Variants in LACTB observed in about 807,000 individuals in gnomAD.
The protein encoded by LACTB is serine beta-lactamase-like protein LACTB, mitochondrial.
In LACTB, 35 loss-of-function variants were observed where a neutral mutation model predicts 50.2. The observed-to-expected ratio is 0.70, with a 90% CI of 0.53 to 0.92. The LOEUF is 0.92. Ranked by LOEUF, LACTB falls within the 40% of genes least tolerant of loss-of-function variation. LACTB has a pLI of 0.00. For missense variants in LACTB, 664 were observed against 691.8 expected (o/e 0.96, Z 0.45); for synonymous variants, 252 against 268.2 (o/e 0.94, Z 0.59).
Position 63,129,570 on chromosome 15 carries a change from T to C in LACTB, c.1038T>C (p.Tyr346=), listed in dbSNP as rs766757628. 3 of 1,613,598 alleles carry C rather than the reference T, an allele frequency of 1.9e-6. 1 individual carries two copies. In the South Asian group the frequency reaches 3.3e-5, roughly 18 times the overall value. Residue 346 remains tyrosine (Y), a synonymous_variant, in exon 5 of 6, where the codon TAT becomes TAC. Coordinates refer to ENST00000261893, the MANE Select transcript of LACTB (RefSeq NM_032857.5). ...CTTCAGGATGTAAATATTTGGACTA[T>C]ATGCAGAAAATATTCCATGACTTGG... ...ERASGCKYLD[Y]MQKIFHDLDM...
rs1454926520 is a variant in LACTB at position 63,129,613 on chromosome 15, C to G, written c.1081C>G (p.Gln361Glu). Residue 361 changes from glutamine to glutamate, a missense_variant, in exon 5 of 6, where the codon CAG becomes GAG. Gln to Glu is a conservative substitution (Grantham distance 29, BLOSUM62 2). Transcript: ENST00000261893. ...TGACTTGGATATGCTGACGACTGTG[C>G]AGGAAGAAAACGAGCCAGTGATTTA... Reference protein sequence around the residue: ...FHDLDMLTTVQEENEPVIYNR... With the variant: ...FHDLDMLTTVEEENEPVIYNR... 1.2e-6 allele frequency: 2 copies of G among 1,610,156 alleles called. No individual in the cohort carries two copies. Among genetic ancestry groups the G allele is most frequent in the East Asian group, 2.2e-5 (1 of 44,694 alleles).
intron 2 of LACTB, among the ~76,000 whole-genome samples, chr15:63,124,732 T>C (rs1296177712): frequency 1.3e-5 from 2 of 151,170 alleles, no homozygotes; most frequent in Non-Finnish European, 3.0e-5. Context: ...GCAGGTGGGT[T>C]GCCTGAGCTT....
chr15:63,128,629 C>T lies in LACTB; in HGVS notation c.953-856C>T, dbSNP rs573689530. On this transcript the variant is annotated intron_variant, in intron 4 of 5. Coordinates refer to ENST00000261893, the MANE Select transcript of LACTB (RefSeq NM_032857.5). ...CAAACCAGTTTGAGTTTGTCCAGAA[C>T]CCAAAATGATATAAAGTTATTTATT... is the stretch of plus-strand genomic sequence containing the variant. 2.7e-4 allele frequency among the ~76,000 whole-genome samples: 41 copies of T among 152,018 alleles called. 1 individual carries two copies. The highest frequency in any genetic ancestry group is 1.8e-3 in the Admixed American group (27 of 15,260).
At chr15:63,122,543 G>C in intron 1 of LACTB, 93 bp from the exon 2 acceptor site, 1 of 1,022,980 alleles carries the variant, frequency 9.8e-7, no homozygotes, top group Non-Finnish European at 1.5e-6. Context: ...CGGGGCCCAG[G>C]CTCAGGGGGC....
chr15:63,126,095 G>A (rs2037050739), intron 2 of LACTB: 1 of 151,988 alleles, frequency 6.6e-6, no homozygotes, highest in African/African-American at 2.4e-5. Context: ...TTTCCTCCTG[G>A]TTTGCAGTCG....
chr15:63,138,327 G>A (rs1266756304), intron 5 of LACTB, among the ~76,000 whole-genome samples: 1 of 152,042 alleles, frequency 6.6e-6, no homozygotes, highest in African/African-American at 2.4e-5. Flanking sequence ...AGTATTTTTA[G>A]TTTCTAAGTT....
intron 1 of LACTB, 78 bp from the exon 2 acceptor site, chr15:63,122,558 C>A: frequency 1.8e-6 from 2 of 1,137,856 alleles, no homozygotes; most frequent in Non-Finnish European, 2.7e-6. Flanking sequence ...GGGGGCGGGG[C>A]CTTGGAAGGT....
intron 4 of LACTB, among the ~76,000 whole-genome samples, chr15:63,128,275 AGATAT>A (rs2037080880): frequency 6.6e-6 from 1 of 152,216 alleles, no homozygotes; most frequent in Admixed American, 6.5e-5. Context: ...AGAGCAAATA[AGATAT>A]AATTATGGAT....
rs1040216846 is a variant in LACTB, at chr15:63,122,022, G to T, written c.151G>T (p.Ala51Ser). The change falls in exon 1 of 6, where the codon GCG (alanine) becomes TCG (serine). Residue 51 changes from alanine (A) to serine (S), a missense_variant. Ala to Ser is a moderately conservative substitution (Grantham distance 99, BLOSUM62 1). Coordinates refer to ENST00000261893, the MANE Select transcript of LACTB (RefSeq NM_032857.5). ...VGGLGLGLGL[A>S]LGVKLAGGLR... ...GGGCCTCGGGCTGGGGCTGGGGCTGGCGCTCGGGGTGAAGCTGGCAGGTGG... is the reference window on the plus strand; with the variant it reads ...GGGCCTCGGGCTGGGGCTGGGGCTGTCGCTCGGGGTGAAGCTGGCAGGTGG... 25 of 1,400,434 alleles carry T rather than the reference G, an allele frequency of 1.8e-5. No individual in the cohort carries two copies. In the African/African-American group the frequency reaches 3.6e-4, roughly 20 times the overall value. The allele number at this position is 1,400,434 out of a possible 1,614,324, so 86.8% of individuals were successfully genotyped here. A position where few individuals can be genotyped will look rare whatever the true frequency, so the allele number is the denominator to read the frequency against.
chr15:63,141,589 T>C lies in LACTB; in HGVS notation c.1428T>C (p.Cys476=), dbSNP rs145820326. The C allele has an allele frequency of 7.1e-5, 115 of 1,614,182 alleles. No individual in the cohort carries two copies. Among genetic ancestry groups the C allele is most frequent in the Non-Finnish European group, 9.2e-5 (109 of 1,180,014 alleles). ...VVERKQTYGS[C]RKQRHYASHT... ...AAAGGAAACAAACGTATGGTTCGTGTAGAAAGCAACGGCATTATGCTTCAC... is the reference window on the plus strand; with the variant it reads ...AAAGGAAACAAACGTATGGTTCGTGCAGAAAGCAACGGCATTATGCTTCAC... The change falls in exon 6 of 6, where the codon TGT becomes TGC. Residue 476 remains cysteine, a synonymous_variant. Transcript: ENST00000261893.
intron 5 of LACTB, chr15:63,129,884 C>A (rs1374692970): frequency 9.8e-6 from 4 of 408,700 alleles, no homozygotes; most frequent in African/African-American, 6.2e-5. Context: ...ACATGAATAA[C>A]TAAACCAAAA....
chr15:63,122,753 A>G, intron 2 of LACTB, 51 bp downstream of exon 2: 1 of 1,278,290 alleles, frequency 7.8e-7, no homozygotes, highest in Non-Finnish European at 1.1e-6. Context: ...TAAATAAAAT[A>G]TTGTTTTACT....
Position 63,141,898 on chromosome 15 carries a change from A to T in LACTB, c.*93A>T. On this transcript the variant is annotated 3_prime_UTR_variant, in exon 6 of 6. Transcript: ENST00000261893. Reference sequence around the variant, plus strand: ...CATGACATTTTTAAGAATAAATTTGAAATAGAGTATAACTGAATGCAGAGA... The same window carrying T: ...CATGACATTTTTAAGAATAAATTTGTAATAGAGTATAACTGAATGCAGAGA... 1 of 1,096,376 alleles carries T rather than the reference A, an allele frequency of 9.1e-7. No homozygotes were observed. 67.9% of individuals were successfully genotyped at this position (1,096,376 alleles called of 1,614,324 possible).
intron 5 of LACTB, among the ~76,000 whole-genome samples, chr15:63,134,359 GT>G (rs2037157277): frequency 6.6e-6 from 1 of 152,164 alleles, no homozygotes. Context: ...GAAAATAAAA[GT>G]TTAATTCCCC....
intron 2 of LACTB, among the ~76,000 whole-genome samples, chr15:63,123,859 G>A (rs1388589093): frequency 1.3e-3 from 186 of 138,268 alleles, no homozygotes; most frequent in South Asian, 3.8e-3. Context: ...ACATGAAGGC[G>A]GACTAGGAGC....
chr15:63,128,503 G>A (rs1446994562), intron 4 of LACTB, among the ~76,000 whole-genome samples: 3 of 152,088 alleles, frequency 2.0e-5, no homozygotes, highest in Admixed American at 6.6e-5. Context: ...TCAGGAGGCT[G>A]AGGCGGGAGG....
chr15:63,129,560 A>G lies in LACTB; in HGVS notation c.1028A>G (p.Tyr343Cys). ...GTAGAGAGAGCTTCAGGATGTAAAT[A>G]TTTGGACTATATGCAGAAAATATTC... ...AIVERASGCK[Y>C]LDYMQKIFHD... The change falls in exon 5 of 6, where the codon TAT becomes TGT. Residue 343 changes from tyrosine to cysteine, a missense_variant. Transcript: ENST00000261893. 1 of 1,613,680 alleles carries G rather than the reference A, an allele frequency of 6.2e-7. No homozygotes were observed. Among genetic ancestry groups the G allele is most frequent in the Non-Finnish European group, 8.5e-7 (1 of 1,179,802 alleles).
At chr15:63,139,716 C>G (rs1391009779) in intron 5 of LACTB, among the ~76,000 whole-genome samples, 1 of 152,058 alleles carries the variant, frequency 6.6e-6, no homozygotes, top group Non-Finnish European at 1.5e-5. Context: ...ACGTGTAATC[C>G]CAGCTACTGG....
Position 63,141,933 on chromosome 15 carries a change from C to T in LACTB, c.*128C>T, listed in dbSNP as rs1373688710. The T allele has an allele frequency of 7.2e-6, 5 of 692,834 alleles. No homozygotes were observed. The Admixed American group carries it at 1.2e-4, about 17-fold the overall frequency. The allele number at this position is 692,834 out of a possible 1,614,324, so 42.9% of individuals were successfully genotyped here. ...TAACTGAATGCAGAGAATTATGTACCTCTAATTGCTTAATTTTGTAATGGT... is the reference window on the plus strand; with the variant it reads ...TAACTGAATGCAGAGAATTATGTACTTCTAATTGCTTAATTTTGTAATGGT... On this transcript the variant is annotated 3_prime_UTR_variant, in exon 6 of 6. Coordinates refer to ENST00000261893, the MANE Select transcript of LACTB (RefSeq NM_032857.5).
Sources: allele counts gnomAD v4.1 joint callset (sites outside exome capture counted in the v4.1 genomes callset), GRCh38; gene constraint gnomAD v4.1.1; transcripts MANE v1.5; gene names NCBI Gene and HGNC (gene_info 2026-07-23, HGNC 2026-07-21).